The following MTSS2 variants were observed in gnomAD, a reference collection of about 807,000 sequenced individuals.
MTSS2 encodes the protein MTSS I-BAR domain containing 2.
In MTSS2, 27 loss-of-function variants were observed where a neutral mutation model predicts 67.1. The ratio of observed to expected loss-of-function variants is 0.40; its 90% CI spans 0.30 to 0.55. MTSS2 has a LOEUF of 0.55. Among genes scored for constraint, MTSS2 ranks in the 20% least tolerant of loss-of-function variants. The pLI is 0.43. For missense variants in MTSS2, 1,171 were observed against 1,067.8 expected (o/e 1.10, Z -1.35); for synonymous variants, 624 against 468.6 (o/e 1.33, Z -4.28).
rs1477380088 is a variant in MTSS2, at chr16:70,685,671, G to A, written c.69+52C>T. On this transcript the variant is annotated intron_variant, in intron 1 of 14. Coordinates refer to ENST00000338779, the MANE Select transcript of MTSS2 (RefSeq NM_138383.3). ...CGGCCACCCGCCGCCACGCGTCCCC[G>A]GGGGGTCCCGCACCCGTCGCCGCGC... The A allele has an allele frequency of 4.0e-5, 45 of 1,114,424 alleles. No individual in the cohort carries two copies. In the Admixed American group the frequency reaches 5.9e-4, roughly 15 times the overall value. 69.0% of individuals were successfully genotyped at this position (1,114,424 alleles called of 1,614,324 possible).
intron 3 of MTSS2, 102 bp downstream of exon 3, chr16:70,680,692 G>T: frequency 9.5e-7 from 1 of 1,049,276 alleles, no homozygotes; most frequent in Non-Finnish European, 1.4e-6. Context: ...AAGGTTCTGG[G>T]CTTGGCGTCC....
rs1265334559 is a variant in MTSS2 at position 70,664,901 on chromosome 16, G to T, written c.1305+19C>A. On this transcript the variant is annotated intron_variant, in intron 13 of 14. Coordinates refer to ENST00000338779, the MANE Select transcript of MTSS2 (RefSeq NM_138383.3). ...CCTGGGACTGACCTGGGCGTGAAGG[G>T]GGGCCCTGGCCAGCCTACCTTGGCT... is the stretch of plus-strand genomic sequence containing the variant. The T allele has an allele frequency of 2.6e-6, 4 of 1,531,010 alleles. No homozygotes were observed. The South Asian group carries it at 3.7e-5, about 14-fold the overall frequency. 94.8% of individuals were successfully genotyped at this position (1,531,010 alleles called of 1,614,324 possible).
chr16:70,675,443 A>G lies in MTSS2; in HGVS notation c.831-915T>C, dbSNP rs372741214. ...GTCTCACAATGACAACAAAACCCAA[A>G]AAACCCACCAAAAAACCTATTGGTT... is the stretch of plus-strand genomic sequence containing the variant. On this transcript the variant is annotated intron_variant, in intron 10 of 14. Transcript: ENST00000338779. Among the ~76,000 whole-genome samples the G allele has an allele frequency of 2.3e-4, 35 of 152,320 alleles. No homozygotes were observed. In the South Asian group the frequency reaches 6.6e-3, roughly 29 times the overall value.
At position 70,663,650 on chromosome 16, in the gene MTSS2, C is replaced by G; in HGVS notation, c.*27G>C. The G allele has an allele frequency of 6.5e-7, 1 of 1,546,334 alleles. No individual in the cohort carries two copies. Among genetic ancestry groups the G allele is most frequent in the Non-Finnish European group, 8.7e-7 (1 of 1,146,796 alleles). On this transcript the variant is annotated 3_prime_UTR_variant, in exon 15 of 15. Transcript: ENST00000338779. ...ACCAGGCCACCTGCTCGCACTGGGG[C>G]CTGAGAGGATGGGGAGGGTGGCGCC...
chr16:70,679,507 AG>A, intron 6 of MTSS2, 122 bp downstream of exon 6: 1 of 1,254,506 alleles, frequency 8.0e-7, no homozygotes, highest in Non-Finnish European at 1.1e-6. Context: ...AACAGGTTGG[AG>A]GGTCCTGTGT....
At chr16:70,671,162 TC>T (rs1375515085) in intron 11 of MTSS2, among the ~76,000 whole-genome samples, 4 of 151,886 alleles carry the variant, frequency 2.6e-5, no homozygotes, top group Non-Finnish European at 5.9e-5. Context: ...ATGCCTGTAA[TC>T]CCAGCACTTG....
At chr16:70,685,571 G>C (rs2053428539) in intron 1 of MTSS2, 152 bp downstream of exon 1, 1 of 315,382 alleles carries the variant, frequency 3.2e-6, no homozygotes, top group Non-Finnish European at 4.9e-6. Flanking sequence ...CGGAGACACG[G>C]GCGCCCAGCA....
At chr16:70,668,698 G>A (rs746617397) in intron 11 of MTSS2, among the ~76,000 whole-genome samples, 2 of 152,172 alleles carry the variant, frequency 1.3e-5, no homozygotes, top group African/African-American at 2.4e-5. Flanking sequence ...CCTCATTAAA[G>A]GTTTTAGGGA....
Position 70,663,975 on chromosome 16 carries a change from G to C in MTSS2, c.1946C>G (p.Ser649Cys), listed in dbSNP as rs572552551. 155 of 1,578,958 alleles carry C rather than the reference G, an allele frequency of 9.8e-5. 1 individual carries two copies. The South Asian group carries it at 1.6e-3, about 17-fold the overall frequency. Residue 649 changes from serine (S) to cysteine (C), a missense_variant, in exon 15 of 15, where the codon TCC (serine) becomes TGC (cysteine). Physicochemically the swap from Ser to Cys is moderately radical, Grantham distance 112. Around this residue, in one of 2 missense-constraint regions of MTSS2, gnomAD observed 924 missense variants for 756.0 expected, o/e 1.22. Coordinates refer to ENST00000338779, the MANE Select transcript of MTSS2 (RefSeq NM_138383.3). ...CCCGGGGTACCCGGCTGCCTCTGGG[G>C]ATGGGCTGCCCCAGGCTGTGTTGGG... ...SLPNTAWGSPSPEAAGYPGAG... is the reference protein window; with the variant it reads ...SLPNTAWGSPCPEAAGYPGAG...
In MTSS2 at chr16:70,685,711, C is replaced by T; in HGVS notation, c.69+12G>A. The T allele has an allele frequency of 7.6e-7, 1 of 1,324,148 alleles. No individual in the cohort carries two copies. Among genetic ancestry groups the T allele is most frequent in the Non-Finnish European group, 9.8e-7 (1 of 1,017,720 alleles). 82.0% of individuals were successfully genotyped at this position (1,324,148 alleles called of 1,614,324 possible). ...CGTCGCCGCGCGCCCGGCCCCGCCG[C>T]GCCCCGGTTACCTTCATGTCGTTGA... is the stretch of plus-strand genomic sequence containing the variant. On this transcript the variant is annotated intron_variant, in intron 1 of 14. Coordinates refer to ENST00000338779, the MANE Select transcript of MTSS2 (RefSeq NM_138383.3).
chr16:70,677,921 C>T (rs996098061), intron 8 of MTSS2, 22 bp from the exon 9 acceptor site: 24 of 1,532,194 alleles, frequency 1.6e-5, no homozygotes, highest in Non-Finnish European at 2.0e-5. Context: ...GCGAGTCAGA[C>T]CTGCTGGCCC....
chr16:70,674,196 CAACAGCTATAGTAGT>C, intron 11 of MTSS2, 95 bp downstream of exon 11: 1 of 166,718 alleles, frequency 6.0e-6, no homozygotes, highest in Non-Finnish European at 1.0e-5. Context: ...AGGCCAGTCT[CAACAGCTATAGTAGT>C]CTCAACAGCT....
chr16:70,667,447 T>C (rs1210486070), intron 11 of MTSS2, among the ~76,000 whole-genome samples: 1 of 152,066 alleles, frequency 6.6e-6, no homozygotes, highest in Non-Finnish European at 1.5e-5. Context: ...TACCAGCAGC[T>C]AACAGGAAAA....
chr16:70,673,933 A>G (rs2053024070), intron 11 of MTSS2, among the ~76,000 whole-genome samples: 1 of 152,178 alleles, frequency 6.6e-6, no homozygotes, highest in Admixed American at 6.5e-5. Flanking sequence ...GAAAAAACAA[A>G]GTCAAGGGTA....
chr16:70,666,343 C>T (rs1368293984), intron 11 of MTSS2, among the ~76,000 whole-genome samples: 1 of 152,190 alleles, frequency 6.6e-6, no homozygotes, highest in Non-Finnish European at 1.5e-5. Context: ...GACACACCTG[C>T]TCTGGGCAGT....
chr16:70,662,993 G>A lies in MTSS2; in HGVS notation c.*684C>T, dbSNP rs550379630. On this transcript the variant is annotated 3_prime_UTR_variant, in exon 15 of 15. Coordinates refer to ENST00000338779, the MANE Select transcript of MTSS2 (RefSeq NM_138383.3). ...GCCAGCCTCACGGGGTGGGGGAGGC[G>A]AGGGGTGGGAGCCACCACAGGGCCC... 641 of 152,502 alleles carry A rather than the reference G, an allele frequency of 4.2e-3. 4 individuals carry two copies. The highest frequency in any genetic ancestry group is 0.017 in the Middle Eastern group (5 of 296). 9.4% of individuals were successfully genotyped at this position (152,502 alleles called of 1,614,324 possible).
intron 10 of MTSS2, among the ~76,000 whole-genome samples, chr16:70,676,479 G>A (rs765220107): frequency 1.8e-4 from 27 of 152,200 alleles, no homozygotes; most frequent in Non-Finnish European, 3.5e-4. Context: ...GACCCCACAC[G>A]GTGCTAGGCC....
Position 70,678,403 on chromosome 16 carries a change from C to A in MTSS2, c.473G>T (p.Gly158Val). The A allele has an allele frequency of 6.2e-7, 1 of 1,610,114 alleles. No individual in the cohort carries two copies. The highest frequency in any genetic ancestry group is 1.1e-5 in the South Asian group (1 of 90,788). The change falls in exon 8 of 15, where the codon GGA (glycine) becomes GTA (valine). Residue 158 changes from glycine to valine, a missense_variant. Gly to Val is a moderately radical substitution (Grantham distance 109, BLOSUM62 -3). Coordinates refer to ENST00000338779, the MANE Select transcript of MTSS2 (RefSeq NM_138383.3). ...ACTGTCCAGCTGGGGCTGCAGGTCT[C>A]CTTTCCCTGGAGGGGTGGGGAGGAG... is the stretch of plus-strand genomic sequence containing the variant. ...KKARKELLGK[G>V]DLQPQLDSAL...
chr16:70,684,793 C>T (rs2053403344), intron 1 of MTSS2, among the ~76,000 whole-genome samples: 1 of 152,230 alleles, frequency 6.6e-6, no homozygotes. Context: ...GAGCTGGGCC[C>T]TCTCTGCCTA....
Sources: gnomAD v4.1 joint callset for allele counts (sites outside exome capture counted in the v4.1 genomes callset) on GRCh38, gnomAD v4.1.1 for gene constraint, gnomAD v4.1.1 regional missense constraint, MANE v1.5 for transcripts, NCBI Gene and HGNC (gene_info 2026-07-23, HGNC 2026-07-21) for gene names.